TG: variants seen among roughly 807,000 people sequenced by gnomAD.
TG encodes thyroid hormones.
In TG, 270 loss-of-function variants were observed where a neutral mutation model predicts 324.7. The observed-to-expected ratio is 0.83, with a 90% CI of 0.75 to 0.92. TG has a LOEUF of 0.92. Ranked by LOEUF, TG falls within the 40% of genes least tolerant of loss-of-function variation. TG has a pLI of 0.00. For missense variants in TG, 3,591 were observed against 3,456.4 expected (o/e 1.04, Z -0.98); for synonymous variants, 1,401 against 1,327.0 (o/e 1.06, Z -1.21).
chr8:132,971,904 C>A, intron 33 of TG, 31 bp downstream of exon 33: 2 of 1,396,348 alleles, frequency 1.4e-6, no homozygotes, highest in Non-Finnish European at 2.0e-6. Context: ...CTCTCCCCTG[C>A]GCACAGTACT....
intron 22 of TG, among the ~76,000 whole-genome samples, chr8:132,927,083 A>G (rs1238757405): frequency 1.3e-5 from 2 of 152,176 alleles, no homozygotes; most frequent in African/African-American, 4.8e-5. Context: ...TGAAGATTTC[A>G]TATACCACAT....
Position 132,866,962 on chromosome 8 carries a change from A to C in TG, c.-39A>C, listed in dbSNP as rs762882159. ...CCTGGCCAGGGGACCTAGGGCAAGC[A>C]GTGGTTTCTCCTCCTTCCTCCCAGG... On this transcript the variant is annotated 5_prime_UTR_variant, in exon 1 of 48. Transcript: ENST00000220616. The C allele has an allele frequency of 8.5e-6, 13 of 1,525,380 alleles. No homozygotes were observed. 94.5% of individuals were successfully genotyped at this position (1,525,380 alleles called of 1,614,324 possible). A position where few individuals can be genotyped will look rare whatever the true frequency, so the allele number is the denominator to read the frequency against.
At chr8:133,110,941 A>C (rs1312189260) in intron 43 of TG, among the ~76,000 whole-genome samples, 1 of 152,184 alleles carries the variant, frequency 6.6e-6, no homozygotes, top group East Asian at 1.9e-4. Flanking sequence ...TGTTCACTTC[A>C]TCTTCACAGG....
intron 25 of TG, among the ~76,000 whole-genome samples, chr8:132,936,131 A>G (rs1210942151): frequency 2.0e-5 from 3 of 152,224 alleles, no homozygotes; most frequent in Admixed American, 6.5e-5. Flanking sequence ...GCAATCTAGC[A>G]AGGATTGAGA....
In TG at chr8:133,017,858, G is replaced by T; in HGVS notation, c.6643G>T (p.Ala2215Ser). 1 of 1,614,146 alleles carries T rather than the reference G, an allele frequency of 6.2e-7. No homozygotes were observed. The change falls in exon 38 of 48, where the codon GCC (alanine) becomes TCC (serine). Residue 2215 changes from alanine to serine, a missense_variant. Transcript: ENST00000220616. ...TGGCCGGCTGCTGGGCAGGTCCCAG[G>T]CCATCCAGGTGGGTACCTCATGGAA... Reference protein sequence around the residue: ...THGRLLGRSQAIQVGTSWKQV... With the variant: ...THGRLLGRSQSIQVGTSWKQV...
At chr8:133,131,166 T>C (rs1488305553) in intron 45 of TG, among the ~76,000 whole-genome samples, 4 of 152,218 alleles carry the variant, frequency 2.6e-5, no homozygotes, top group African/African-American at 9.6e-5. Context: ...TTCCCAGTGC[T>C]CACTCCATGG....
chr8:132,904,881 T>A (rs962410551), intron 16 of TG, among the ~76,000 whole-genome samples: 6 of 152,224 alleles, frequency 3.9e-5, no homozygotes, highest in African/African-American at 1.4e-4. Context: ...TGTACACACA[T>A]GCATCTAGCA....
In TG at chr8:132,988,824, T is replaced by C. The variant is rs919489021; in HGVS notation, c.6262+5412T>C. 5.1e-6 allele frequency: 5 copies of C among 985,328 alleles called. No individual in the cohort carries two copies. The African/African-American group carries it at 7.0e-5, about 14-fold the overall frequency. 61.0% of individuals were successfully genotyped at this position (985,328 alleles called of 1,614,324 possible). A position where few individuals can be genotyped will look rare whatever the true frequency, so the allele number is the denominator to read the frequency against. On this transcript the variant is annotated intron_variant, in intron 35 of 47. Coordinates refer to ENST00000220616, the MANE Select transcript of TG (RefSeq NM_003235.5). ...TTCCCTGCTTCCCAAATGTGGGATC[T>C]CCTAAGGGTTTATTCCCAGGACAAC...
intron 9 of TG, 73 bp from the exon 10 acceptor site, chr8:132,887,911 A>G (rs1587253979): frequency 2.2e-6 from 3 of 1,370,126 alleles, no homozygotes; most frequent in African/African-American, 2.9e-5. Context: ...TGGACAGTTA[A>G]GTGGTTTTAT....
At chr8:133,021,910 G>A (rs1835601629) in intron 39 of TG, 81 bp from the exon 40 acceptor site, 3 of 1,577,676 alleles carry the variant, frequency 1.9e-6, no homozygotes, top group African/African-American at 1.3e-5. Flanking sequence ...GAGGAGTCCT[G>A]TGTCAACCAA....
chr8:133,081,589 A>G (rs2702978), intron 41 of TG, among the ~76,000 whole-genome samples: 1,230 of 85,216 alleles, frequency 0.014, 18 homozygotes, highest in South Asian at 0.056. Context: ...GAAGAAGAAG[A>G]AAAAAAAAGT....
At chr8:132,906,299 T>C (rs1818670710) in intron 16 of TG, among the ~76,000 whole-genome samples, 1 of 152,090 alleles carries the variant, frequency 6.6e-6, no homozygotes, top group African/African-American at 2.4e-5. Flanking sequence ...CTGGTGGTAC[T>C]GATCCTTGTG....
chr8:132,907,010 C>G, intron 17 of TG, 110 bp downstream of exon 17: 1 of 1,159,690 alleles, frequency 8.6e-7, no homozygotes, highest in South Asian at 1.3e-5. Flanking sequence ...ATGTAGCACG[C>G]TGGTGGTATG....
chr8:132,955,643 C>T (rs559604316), intron 27 of TG, among the ~76,000 whole-genome samples: 55 of 152,216 alleles, frequency 3.6e-4, no homozygotes, highest in African/African-American at 1.2e-3. Context: ...TAACAAAGGC[C>T]GGTGGTGGTG....
rs760105184 is a variant in TG at position 132,888,238 on chromosome 8, G to T, written c.2431G>T (p.Glu811Ter). The stretch of plus-strand genomic sequence containing the variant: ...GCTAGTGAAGATCATGAGCTACAGA[G>T]AAGCAGCTTCCGGAAACTTCAGTCT... ...KLLVKIMSYREAASGNFSLFI... is the reference protein window; with the variant it reads ...KLLVKIMSYR Residue 811 changes from glutamate (E) to a stop codon, truncating the protein, a stop_gained, in exon 10 of 48, where the codon GAA becomes TAA. Transcript: ENST00000220616. LOFTEE classifies it high-confidence loss of function. 3 of 1,614,224 alleles carry T rather than the reference G, an allele frequency of 1.9e-6. No homozygotes were observed. The Admixed American group carries it at 5.0e-5, about 27-fold the overall frequency.
intron 16 of TG, among the ~76,000 whole-genome samples, chr8:132,902,168 AATGGAGAC>A (rs1818018423): frequency 6.6e-6 from 1 of 152,164 alleles, no homozygotes; most frequent in Admixed American, 6.5e-5. Context: ...CAGGGCAGGA[AATGGAGAC>A]ATTACAAAAT....
chr8:133,128,337 G>GCACACACACACACACA (rs59451880), intron 45 of TG, among the ~76,000 whole-genome samples: 14 of 133,802 alleles, frequency 1.0e-4, no homozygotes, highest in East Asian at 2.4e-4. Context: ...CAAAAGGCGT[G>GCACACACACACACACA]CACACACACA....
chr8:133,105,350 G>A (rs773949043), intron 43 of TG, among the ~76,000 whole-genome samples: 6 of 152,182 alleles, frequency 3.9e-5, no homozygotes, highest in East Asian at 1.9e-4. Flanking sequence ...GGGGTGGACC[G>A]GAGGTGGGGG....
chr8:133,045,951 A>T (rs1465983835), intron 41 of TG, among the ~76,000 whole-genome samples: 1 of 152,052 alleles, frequency 6.6e-6, no homozygotes, highest in East Asian at 1.9e-4. Flanking sequence ...ACTCTCTCTG[A>T]CTTATGCTTA....
Sources: gnomAD v4.1 joint callset for allele counts (sites outside exome capture counted in the v4.1 genomes callset) on GRCh38, gnomAD v4.1.1 for gene constraint, MANE v1.5 for transcripts, NCBI Gene and HGNC (gene_info 2026-07-23, HGNC 2026-07-21) for gene names.